Variants in CX3CR1 observed in about 807,000 individuals in gnomAD.
The protein encoded by CX3CR1 is CX3C chemokine receptor 1.
For synonymous variants in CX3CR1, 168 were observed against 178.5 expected (o/e 0.94, Z 0.47); for missense variants, 363 against 432.4 (o/e 0.84, Z 1.42).
upstream of CX3CR1, chr3:39,280,203 A>G (rs2040879649): frequency 1.0e-6 from 1 of 985,256 alleles, no homozygotes; most frequent in Non-Finnish European, 1.2e-6. Flanking sequence ...GAAGATCTAA[A>G]CCTCAGGGAA....
At chr3:39,280,154 G>T, upstream of CX3CR1, 1 of 977,608 alleles carries the variant, frequency 1.0e-6, no homozygotes, top group Non-Finnish European at 1.2e-6. Flanking sequence ...CCAGGGTGGA[G>T]GCCAGCTGCC....
At chr3:39,282,926 C>T (rs150709187), upstream of CX3CR1, among the ~76,000 whole-genome samples, 13 of 152,288 alleles carry the variant, frequency 8.5e-5, no homozygotes, top group East Asian at 2.3e-3. Context: ...GGGTCTGGCT[C>T]TGTTATCCAG....
chr3:39,273,814 G>T (rs1294224682), intron 1 of CX3CR1, among the ~76,000 whole-genome samples: 1 of 152,134 alleles, frequency 6.6e-6, no homozygotes, highest in Non-Finnish European at 1.5e-5. Context: ...ATTTTTGGTA[G>T]ATATGGGGTC....
At chr3:39,275,138 A>T (rs755746376) in intron 1 of CX3CR1, among the ~76,000 whole-genome samples, 29 of 152,248 alleles carry the variant, frequency 1.9e-4, no homozygotes, top group Non-Finnish European at 3.7e-4. Context: ...CTGGGAATAC[A>T]GGTGTGAGCC....
upstream of CX3CR1, among the ~76,000 whole-genome samples, chr3:39,280,646 A>G (rs1379977911): frequency 6.6e-6 from 1 of 151,522 alleles, no homozygotes; most frequent in Non-Finnish European, 1.5e-5. Context: ...CTCTGCCCCA[A>G]GGCATTTAGT....
upstream of CX3CR1, chr3:39,280,372 C>A: frequency 1.0e-6 from 1 of 985,480 alleles, no homozygotes; most frequent in African/African-American, 1.7e-5. Context: ...AGCTTCCCTG[C>A]CCACGAGAGG....
chr3:39,284,480 G>A (rs2040931312), upstream of CX3CR1, among the ~76,000 whole-genome samples: 1 of 152,142 alleles, frequency 6.6e-6, no homozygotes, highest in Non-Finnish European at 1.5e-5. Context: ...CTTGTCTAAG[G>A]TCTTAATCAG....
the CX3CR1 span, among the ~76,000 whole-genome samples, chr3:39,291,738 G>A: frequency 1.3e-5 from 2 of 152,186 alleles, no homozygotes; most frequent in Non-Finnish European, 2.9e-5. Context: ...CCTTTCAGGT[G>A]AGGAAACTGA....
upstream of CX3CR1, chr3:39,281,584 C>T (rs757818967): frequency 3.0e-5 from 47 of 1,589,526 alleles, no homozygotes; most frequent in Non-Finnish European, 3.8e-5. Context: ...CTTCTCCGTT[C>T]TCTGTCTTTC....
At chr3:39,283,793 A>AT (rs1559371891), upstream of CX3CR1, among the ~76,000 whole-genome samples, 105 of 63,914 alleles carry the variant, frequency 1.6e-3, 1 homozygote, top group Non-Finnish European at 1.7e-3. Flanking sequence ...AAAAAAAAAA[A>AT]ATTATATATA....
At chr3:39,288,069 C>T in the CX3CR1 span, 1 of 152,096 alleles carries the variant, frequency 6.6e-6, no homozygotes, top group Non-Finnish European at 1.5e-5. Context: ...CTGTCATTCT[C>T]TGGGAACCTA....
At chr3:39,283,271 C>T (rs1268082096), upstream of CX3CR1, among the ~76,000 whole-genome samples, 2 of 152,134 alleles carry the variant, frequency 1.3e-5, no homozygotes, top group Non-Finnish European at 2.9e-5. Flanking sequence ...TACAAGACCA[C>T]ACAGCTCATG....
chr3:39,277,410 A>G (rs1187616053), intron 1 of CX3CR1, among the ~76,000 whole-genome samples: 1 of 152,194 alleles, frequency 6.6e-6, no homozygotes, highest in Non-Finnish European at 1.5e-5. Flanking sequence ...TAGGAATCAG[A>G]ACAAGTCCTT....
the CX3CR1 span, among the ~76,000 whole-genome samples, chr3:39,291,044 A>G: frequency 6.6e-6 from 1 of 152,092 alleles, no homozygotes; most frequent in South Asian, 2.1e-4. Flanking sequence ...AGATGAATAA[A>G]TAATTGACTT....
chr3:39,275,605 T>C (rs1021177878), intron 1 of CX3CR1, among the ~76,000 whole-genome samples: 2 of 152,208 alleles, frequency 1.3e-5, no homozygotes, highest in Non-Finnish European at 2.9e-5. Flanking sequence ...TTCTTTCTGT[T>C]CTTGCAACCT....
At chr3:39,267,867 A>G (rs2040724836) in intron 1 of CX3CR1, among the ~76,000 whole-genome samples, 1 of 152,234 alleles carries the variant, frequency 6.6e-6, no homozygotes, top group Admixed American at 6.5e-5. Context: ...TTCTTTTCGC[A>G]GCCAGGACTT....
chr3:39,286,841 C>A, the CX3CR1 span: 1 of 152,182 alleles, frequency 6.6e-6, no homozygotes, highest in Non-Finnish European at 1.5e-5. Context: ...TAATCCTTTA[C>A]CTGAACTGAA....
At position 39,263,921 on chromosome 3, in the gene CX3CR1, A is replaced by G. The variant is rs2040655824; in HGVS notation, c.*1521T>C. 1 of 152,166 alleles carries G rather than the reference A, an allele frequency of 6.6e-6. No individual in the cohort carries two copies. The highest frequency in any genetic ancestry group is 1.5e-5 in the Non-Finnish European group (1 of 68,048). 9.4% of individuals were successfully genotyped at this position (152,166 alleles called of 1,614,324 possible). A position where few individuals can be genotyped will look rare whatever the true frequency, so the allele number is the denominator to read the frequency against. On this transcript the variant is annotated 3_prime_UTR_variant, in exon 2 of 2. Coordinates refer to ENST00000399220, the MANE Select transcript of CX3CR1 (RefSeq NM_001337.4). ...GGATGACTTTTTCTTTAGCATTATT[A>G]CAATTGTTTTCGAGCTTTAAACTTT... is the stretch of plus-strand genomic sequence containing the variant.
the CX3CR1 span, among the ~76,000 whole-genome samples, chr3:39,292,178 ATTTGACCCTCAGCCCGGCAGCCTG>A: frequency 6.6e-6 from 1 of 152,204 alleles, no homozygotes; most frequent in Non-Finnish European, 1.5e-5. Context: ...TCAGGGACTC[ATTTGACCCTCAGCCCGGCAGCCTG>A]AGAGCTGGGT....
Sources: allele counts gnomAD v4.1 joint callset (sites outside exome capture counted in the v4.1 genomes callset), GRCh38; gene constraint gnomAD v4.1.1; transcripts MANE v1.5; gene names NCBI Gene and HGNC (gene_info 2026-07-23, HGNC 2026-07-21).